Variants in CCDC81 observed in about 807,000 individuals in gnomAD.
CCDC81 encodes coiled-coil domain containing 81.
Under a neutral mutation model 83.7 loss-of-function variants are expected in CCDC81, and 79 were observed. The ratio of observed to expected loss-of-function variants is 0.94; its 90% CI spans 0.79 to 1.14. The LOEUF (loss-of-function observed/expected upper bound fraction) is 1.14, where lower values mean the gene tolerates loss of function less well. CCDC81 is among the 50% of genes most tolerant of loss of function. The pLI is 0.00. For missense variants in CCDC81, 791 were observed against 778.1 expected, an observed-to-expected ratio of 1.02 and a Z score of -0.20; for synonymous variants, 252 against 278.1, an observed-to-expected ratio of 0.91 and a Z score of 0.93.
chr11:86,404,111 C>G (rs556600391), intron 7 of CCDC81, among the ~76,000 whole-genome samples: 1 of 152,112 alleles, frequency 6.6e-6, no homozygotes, highest in South Asian at 2.1e-4. Context: ...CATAAGAAAC[C>G]AGATTGAGAC....
chr11:86,402,713 T>C (rs1433901656), intron 7 of CCDC81, among the ~76,000 whole-genome samples: 1 of 152,216 alleles, frequency 6.6e-6, no homozygotes, highest in Non-Finnish European at 1.5e-5. Context: ...CAAATTATCC[T>C]CTCAGCAACA....
At position 86,374,893 on chromosome 11, in the gene CCDC81, T is replaced by G; in HGVS notation, c.-271T>G. The G allele has an allele frequency of 4.6e-6, 2 of 434,656 alleles. No homozygotes were observed. The highest frequency in any genetic ancestry group is 8.6e-6 in the Non-Finnish European group (2 of 231,740). 26.9% of individuals were successfully genotyped at this position (434,656 alleles called of 1,614,324 possible). On this transcript the variant is annotated 5_prime_UTR_variant, in exon 1 of 15. Transcript: ENST00000445632. ...CGCGGGTCTGCACACTCTCACTCGG[T>G]GCCGGACATCAGTTCCTGCGGCTCT... is the stretch of plus-strand genomic sequence containing the variant.
At chr11:86,408,650 T>C (rs1233436875) in intron 9 of CCDC81, among the ~76,000 whole-genome samples, 2 of 152,138 alleles carry the variant, frequency 1.3e-5, no homozygotes, top group Non-Finnish European at 2.9e-5. Context: ...CAGCCTATAA[T>C]GTAATTTAAA....
intron 7 of CCDC81, 104 bp downstream of exon 7, chr11:86,400,905 T>C (rs1449099618): frequency 8.0e-7 from 1 of 1,251,874 alleles, no homozygotes; most frequent in South Asian, 1.6e-5. Flanking sequence ...ATTTATCCAG[T>C]GTTCTTTAGA....
intron 7 of CCDC81, among the ~76,000 whole-genome samples, chr11:86,403,139 C>T (rs1170390827): frequency 1.3e-5 from 2 of 150,718 alleles, no homozygotes; most frequent in Admixed American, 1.3e-4. Context: ...CAGGCATGAG[C>T]CACCACACCT....
rs778640139 is a variant in CCDC81, at chr11:86,395,360, G to A, written c.582G>A (p.Leu194=). Residue 194 remains leucine (L), a synonymous_variant, in exon 5 of 15, where the codon TTG becomes TTA. Coordinates refer to ENST00000445632, the MANE Select transcript of CCDC81 (RefSeq NM_001156474.2). ...GGCCTGGCACTGTGGACTCGGTGTT[G>A]TCTAGCAGAGAGGCCTTGAGGAAGT... is the stretch of plus-strand genomic sequence containing the variant. ...ANRPGTVDSV[L]SSREALRKWP... is the part of the protein sequence containing the mutation. 1.8e-5 allele frequency: 29 copies of A among 1,614,062 alleles called. No homozygotes were observed. The East Asian group carries it at 4.7e-4, about 26-fold the overall frequency.
At position 86,387,744 on chromosome 11, in the gene CCDC81, C is replaced by T. The variant is rs142085645; in HGVS notation, c.298+72C>T. On this transcript the variant is annotated intron_variant, in intron 3 of 14. Coordinates refer to ENST00000445632, the MANE Select transcript of CCDC81 (RefSeq NM_001156474.2). ...GGGGATAAAAAATGAAAGGGCAAAG[C>T]GTAGCCAGTGCTGCTGTCTTACCTT... 2.7e-4 allele frequency: 288 copies of T among 1,060,326 alleles called. 2 individuals are homozygous for T. The East Asian group carries it at 5.8e-3, about 21-fold the overall frequency. The allele number at this position is 1,060,326 out of a possible 1,614,324, so 65.7% of individuals were successfully genotyped here. A position where few individuals can be genotyped will look rare whatever the true frequency, so the allele number is the denominator to read the frequency against.
At chr11:86,406,003 T>C (rs1038743570) in intron 7 of CCDC81, among the ~76,000 whole-genome samples, 1 of 152,184 alleles carries the variant, frequency 6.6e-6, no homozygotes, top group African/African-American at 2.4e-5. Context: ...CCTCAAGTTA[T>C]CCACCTGCCT....
At chr11:86,384,669 G>A (rs1464119513) in intron 1 of CCDC81, among the ~76,000 whole-genome samples, 1 of 152,196 alleles carries the variant, frequency 6.6e-6, no homozygotes, top group Non-Finnish European at 1.5e-5. Context: ...TTCCAAAGTG[G>A]AAAAAGGATT....
At chr11:86,385,167 C>G (rs1006168524) in intron 1 of CCDC81, among the ~76,000 whole-genome samples, 1 of 152,238 alleles carries the variant, frequency 6.6e-6, no homozygotes, top group African/African-American at 2.4e-5. Context: ...GCGGGTGGAT[C>G]ACCTGAGGTC....
chr11:86,408,205 G>A lies in CCDC81; in HGVS notation c.1048G>A (p.Glu350Lys), dbSNP rs367557953. 1.2e-6 allele frequency: 2 copies of A among 1,614,052 alleles called. No individual in the cohort carries two copies. The highest frequency in any genetic ancestry group is 1.1e-5 in the South Asian group (1 of 91,060). Residue 350 changes from glutamate to lysine, a missense_variant, in exon 9 of 15, where the codon GAA becomes AAA. Coordinates refer to ENST00000445632, the MANE Select transcript of CCDC81 (RefSeq NM_001156474.2). ...CAGTGAGGAAAGGAGGAGAGAGATA[G>A]AAGATGAGAGACTCATACAGCAGTA... ...YYSEERRREI[E>K]DERLIQQYQM...
intron 9 of CCDC81, 23 bp downstream of exon 9, chr11:86,408,293 C>G: frequency 6.3e-7 from 1 of 1,592,776 alleles, no homozygotes; most frequent in Non-Finnish European, 8.5e-7. Context: ...CTCGATTAGT[C>G]TTTAATATGG....
chr11:86,397,844 A>C, intron 6 of CCDC81, 102 bp downstream of exon 6: 1 of 1,321,340 alleles, frequency 7.6e-7, no homozygotes, highest in Non-Finnish European at 1.0e-6. Context: ...ACAAATAATC[A>C]CTATATTATT....
At chr11:86,415,040 A>C in intron 12 of CCDC81, 53 bp from the exon 13 acceptor site, 1 of 1,585,968 alleles carries the variant, frequency 6.3e-7, no homozygotes, top group Non-Finnish European at 8.6e-7. Flanking sequence ...GTTGTGCATA[A>C]AGCTTATTCC....
chr11:86,399,455 A>G (rs558777347), intron 6 of CCDC81, among the ~76,000 whole-genome samples: 1 of 152,106 alleles, frequency 6.6e-6, no homozygotes. Flanking sequence ...AGCTAGGACC[A>G]CAGGTGTGCG....
At chr11:86,408,037 A>T in intron 8 of CCDC81, 90 bp from the exon 9 acceptor site, 1 of 1,300,266 alleles carries the variant, frequency 7.7e-7, no homozygotes, top group Non-Finnish European at 1.1e-6. Flanking sequence ...GTTTCTTGAT[A>T]TACCTAGCCT....
At chr11:86,405,367 G>T (rs1439741373) in intron 7 of CCDC81, among the ~76,000 whole-genome samples, 1 of 152,028 alleles carries the variant, frequency 6.6e-6, no homozygotes, top group Non-Finnish European at 1.5e-5. Flanking sequence ...AAGAATTTTT[G>T]TGTGTGTTTT....
At chr11:86,422,252 G>A (rs1948801542) in intron 14 of CCDC81, among the ~76,000 whole-genome samples, 1 of 152,206 alleles carries the variant, frequency 6.6e-6, no homozygotes, top group African/African-American at 2.4e-5. Context: ...TGGGAAAGCA[G>A]TCAACAGAGA....
In CCDC81 at chr11:86,422,602, C is replaced by T. The variant is rs760178246; in HGVS notation, c.1846C>T (p.Gln616Ter). The change falls in exon 15 of 15, where the codon CAG becomes TAG. Residue 616 changes from glutamine to a stop codon, truncating the protein, a stop_gained. Transcript: ENST00000445632. LOFTEE classifies it high-confidence loss of function. ...TTCAGACAAGCTGTTTCTCCTAGAC[C>T]AGTGTGAGAAGTATCGGCGCTGCAA... ...RASDKLFLLDQCEKYRRCKQC... is the reference protein window; with the variant it reads ...RASDKLFLLD The T allele has an allele frequency of 1.9e-6, 3 of 1,613,892 alleles. No homozygotes were observed. The highest frequency in any genetic ancestry group is 2.5e-6 in the Non-Finnish European group (3 of 1,179,872).
Sources: gnomAD v4.1 joint callset for allele counts (sites outside exome capture counted in the v4.1 genomes callset) on GRCh38, gnomAD v4.1.1 for gene constraint, MANE v1.5 for transcripts, NCBI Gene and HGNC (gene_info 2026-07-23, HGNC 2026-07-21) for gene names.